The following TBC1D22A variants were observed in gnomAD, a reference collection of about 807,000 sequenced individuals.
TBC1D22A encodes TBC1 domain family member 22A.
TBC1D22A carries 38 observed loss-of-function variants against 60.2 expected under a neutral mutation model. The observed-to-expected ratio is 0.63, with a 90% CI of 0.49 to 0.83. TBC1D22A has a LOEUF of 0.83. Among genes scored for constraint, TBC1D22A ranks in the 40% least tolerant of loss-of-function variants. The pLI is 0.00. For synonymous variants in TBC1D22A, 302 were observed against 281.7 expected, an observed-to-expected ratio of 1.07 and a Z score of -0.72; for missense variants, 628 against 701.0, an observed-to-expected ratio of 0.90 and a Z score of 1.18.
intron 11 of TBC1D22A, among the ~76,000 whole-genome samples, chr22:47,063,643 C>T (rs140547): frequency 1.2e-3 from 183 of 151,984 alleles, no homozygotes; most frequent in African/African-American, 4.1e-3. Context: ...CTGTCACTCG[C>T]GTGGAGTATC....
At chr22:47,172,748 G>A (rs556218476) in intron 12 of TBC1D22A, among the ~76,000 whole-genome samples, 5 of 152,336 alleles carry the variant, frequency 3.3e-5, no homozygotes, top group African/African-American at 9.6e-5. Context: ...GGGCCTCGGG[G>A]TGGAGTCATT....
intron 6 of TBC1D22A, among the ~76,000 whole-genome samples, chr22:46,893,645 G>T (rs1012063419): frequency 4.6e-4 from 70 of 152,338 alleles, no homozygotes; most frequent in African/African-American, 1.6e-3. Context: ...CAATTAGGCC[G>T]CCAGGACACC....
At chr22:47,075,172 G>A (rs1237681025) in intron 11 of TBC1D22A, among the ~76,000 whole-genome samples, 5 of 142,404 alleles carry the variant, frequency 3.5e-5, no homozygotes, top group Admixed American at 7.7e-5. Flanking sequence ...GCAGTGAGAC[G>A]AGATCACACC....
At chr22:47,081,635 C>T (rs2064471272) in intron 11 of TBC1D22A, among the ~76,000 whole-genome samples, 1 of 152,104 alleles carries the variant, frequency 6.6e-6, no homozygotes, top group Non-Finnish European at 1.5e-5. Context: ...ACAGAAAAAT[C>T]AAATGTATTT....
chr22:47,059,529 T>TGTGA (rs1310123040), intron 11 of TBC1D22A, among the ~76,000 whole-genome samples: 4 of 152,212 alleles, frequency 2.6e-5, no homozygotes, highest in African/African-American at 9.7e-5. Flanking sequence ...CCACCCCCAA[T>TGTGA]GTGAGCAAGT....
intron 1 of TBC1D22A, among the ~76,000 whole-genome samples, chr22:46,787,689 T>C (rs1406440375): frequency 6.6e-6 from 1 of 152,146 alleles, no homozygotes; most frequent in Non-Finnish European, 1.5e-5. Context: ...GAGATCCACG[T>C]CTCTTCCATA....
chr22:46,846,592 CTG>C (rs1053641048), intron 4 of TBC1D22A, among the ~76,000 whole-genome samples: 2 of 152,214 alleles, frequency 1.3e-5, no homozygotes, highest in African/African-American at 4.8e-5. Context: ...ACAAAAAAAA[CTG>C]TGTTATAAAA....
chr22:47,018,166 C>A (rs16996168), intron 10 of TBC1D22A, among the ~76,000 whole-genome samples: 1 of 152,238 alleles, frequency 6.6e-6, no homozygotes, highest in Admixed American at 6.5e-5. Context: ...GCTTCCCCTG[C>A]GTCAGTGTGG....
chr22:46,952,622 C>T (rs911192755), intron 8 of TBC1D22A, among the ~76,000 whole-genome samples: 1 of 152,220 alleles, frequency 6.6e-6, no homozygotes, highest in Non-Finnish European at 1.5e-5. Context: ...CTTGTATCCA[C>T]CTGCCTCCTT....
chr22:46,799,070 GTTATAACATGACACAGCACAGCA>G (rs2084787068), intron 4 of TBC1D22A, among the ~76,000 whole-genome samples: 1 of 151,978 alleles, frequency 6.6e-6, no homozygotes, highest in African/African-American at 2.4e-5. Flanking sequence ...ACTTGCATGT[GTTATAACATGACACAGCACAGCA>G]GGGTGTATGT....
chr22:46,994,987 G>A (rs918798682), intron 9 of TBC1D22A, among the ~76,000 whole-genome samples: 3 of 152,210 alleles, frequency 2.0e-5, no homozygotes, highest in Admixed American at 1.3e-4. Flanking sequence ...TTTGTCCTTA[G>A]CTGTTGCTGC....
At chr22:46,979,808 T>C (rs2148156758) in intron 9 of TBC1D22A, among the ~76,000 whole-genome samples, 1 of 152,160 alleles carries the variant, frequency 6.6e-6, no homozygotes, top group East Asian at 1.9e-4. Context: ...GGAAGGTGAA[T>C]CATGCCTTCA....
intron 1 of TBC1D22A, among the ~76,000 whole-genome samples, chr22:46,780,158 G>A (rs554664905): frequency 7.2e-5 from 11 of 152,172 alleles, no homozygotes; most frequent in Admixed American, 3.3e-4. Flanking sequence ...ATTTGAGTAC[G>A]TATTTCAGAA....
Position 47,076,380 on chromosome 22 carries a change from TACACAC to T in TBC1D22A, c.1330-35104_1330-35099del, listed in dbSNP as rs1183466938. On this transcript the variant is annotated intron_variant, in intron 11 of 12. Transcript: ENST00000337137. ...GTGTGTGTATATATATATATATATA[TACACAC>T]ACACACACACACACACACACACATA... Among the ~76,000 whole-genome samples the T allele has an allele frequency of 4.1e-3, 510 of 124,508 alleles. 7 individuals carry two copies. The highest frequency in any genetic ancestry group is 0.014 in the African/African-American group (442 of 32,684). The allele number at this position is 124,508 out of a possible 152,430, so 81.7% of individuals were successfully genotyped here. A position where few individuals can be genotyped will look rare whatever the true frequency, so the allele number is the denominator to read the frequency against.
chr22:46,795,464 C>T (rs963192716), intron 3 of TBC1D22A, among the ~76,000 whole-genome samples: 16 of 151,964 alleles, frequency 1.1e-4, no homozygotes, highest in African/African-American at 2.9e-4. Flanking sequence ...GAGATGTCAC[C>T]CTGGGATGTC....
chr22:46,847,590 T>A (rs2087061790), intron 4 of TBC1D22A, among the ~76,000 whole-genome samples: 1 of 152,154 alleles, frequency 6.6e-6, no homozygotes, highest in Non-Finnish European at 1.5e-5. Context: ...TGTAGGAAAA[T>A]GTGGGGTGTG....
intron 7 of TBC1D22A, 42 bp from the exon 8 acceptor site, chr22:46,912,032 A>G (rs1375268476): frequency 1.9e-5 from 26 of 1,378,070 alleles, no homozygotes; most frequent in African/African-American, 2.9e-5. Flanking sequence ...AGTTTCTGCC[A>G]TGTTTACTTT....
At chr22:47,041,642 C>T (rs989860417) in intron 11 of TBC1D22A, among the ~76,000 whole-genome samples, 1 of 152,222 alleles carries the variant, frequency 6.6e-6, no homozygotes, top group African/African-American at 2.4e-5. Flanking sequence ...GGCGTTTCTG[C>T]CCTAGTTCTG....
chr22:47,041,072 C>A (rs1330813380), intron 11 of TBC1D22A, among the ~76,000 whole-genome samples: 6 of 152,164 alleles, frequency 3.9e-5, no homozygotes, highest in African/African-American at 1.4e-4. Context: ...CGTTTCCTAT[C>A]CCCTAGTGAC....
Sources: allele counts gnomAD v4.1 joint callset (sites outside exome capture counted in the v4.1 genomes callset), GRCh38; gene constraint gnomAD v4.1.1; transcripts MANE v1.5; gene names NCBI Gene and HGNC (gene_info 2026-07-23, HGNC 2026-07-21).